Variants in HHAT observed in about 807,000 individuals in gnomAD.
The protein encoded by HHAT is protein-cysteine N-palmitoyltransferase HHAT.
HHAT carries 47 observed loss-of-function variants against 70.8 expected under a neutral mutation model. That is an observed-to-expected ratio of 0.66 (90% confidence interval 0.53 to 0.85). HHAT has a LOEUF of 0.85. Ranked by LOEUF, HHAT falls within the 40% of genes least tolerant of loss-of-function variation. HHAT has a pLI of 0.00. For synonymous variants in HHAT, 228 were observed against 247.6 expected, an observed-to-expected ratio of 0.92 and a Z score of 0.74; for missense variants, 609 against 604.8, an observed-to-expected ratio of 1.01 and a Z score of -0.07.
At chr1:210,528,313 G>A (rs1311573737) in intron 9 of HHAT, among the ~76,000 whole-genome samples, 1 of 152,188 alleles carries the variant, frequency 6.6e-6, no homozygotes, top group Non-Finnish European at 1.5e-5. Context: ...AAGGAGCAGG[G>A]TGCATCATAG....
In HHAT at chr1:210,498,103, G is replaced by A. The variant is rs374975929; in HGVS notation, c.1008-15050G>A. 4.5e-4 allele frequency among the ~76,000 whole-genome samples: 69 copies of A among 152,036 alleles called. 1 individual carries two copies. In the South Asian group the frequency reaches 0.014, roughly 31 times the overall value. The stretch of plus-strand genomic sequence containing the variant: ...TTGACCCCCTAAGCTATCAACTTCT[G>A]TGGTCAGGGACTGTCCATCCCTGTA... On this transcript the variant is annotated intron_variant, in intron 8 of 11. Coordinates refer to ENST00000261458, the MANE Select transcript of HHAT (RefSeq NM_018194.6).
chr1:210,339,498 C>G (rs1452706285), intron 1 of HHAT, among the ~76,000 whole-genome samples: 1 of 152,126 alleles, frequency 6.6e-6, no homozygotes, highest in Admixed American at 6.5e-5. Context: ...AACTCTGGAG[C>G]CTGGTCCTTA....
At chr1:210,413,177 CAT>C (rs2092616578) in intron 6 of HHAT, among the ~76,000 whole-genome samples, 1 of 152,220 alleles carries the variant, frequency 6.6e-6, no homozygotes, top group African/African-American at 2.4e-5. Flanking sequence ...AATTGTAAAA[CAT>C]AACTAAAATC....
intron 10 of HHAT, among the ~76,000 whole-genome samples, chr1:210,618,635 C>T (rs1472621456): frequency 6.6e-6 from 1 of 152,128 alleles, no homozygotes; most frequent in African/African-American, 2.4e-5. Context: ...CATGCAGCCC[C>T]TCTGTGGATG....
chr1:210,494,430 C>T (rs1005762442), intron 8 of HHAT, among the ~76,000 whole-genome samples: 2 of 151,532 alleles, frequency 1.3e-5, no homozygotes, highest in African/African-American at 4.9e-5. Context: ...AATATGACTG[C>T]AGGGTTTTTA....
In HHAT at chr1:210,532,371, C is replaced by T. The variant is rs139509565; in HGVS notation, c.1043+19183C>T. ...AGGTTCCTTATTTTATCTCTGGACT[C>T]GATAACATTTTTCACTTTCATCTGA... On this transcript the variant is annotated intron_variant, in intron 9 of 11. Coordinates refer to ENST00000261458, the MANE Select transcript of HHAT (RefSeq NM_018194.6). Among the ~76,000 whole-genome samples the T allele has an allele frequency of 1.0e-3, 153 of 152,210 alleles. 1 individual carries two copies. Among genetic ancestry groups the T allele is most frequent in the African/African-American group, 3.5e-3 (144 of 41,540 alleles).
intron 10 of HHAT, among the ~76,000 whole-genome samples, chr1:210,614,020 A>G (rs991581736): frequency 1.4e-4 from 2 of 14,142 alleles, no homozygotes; most frequent in African/African-American, 2.5e-4. Flanking sequence ...CCCTGCCTCA[A>G]AAAAAAAAAA....
At chr1:210,650,658 G>A (rs1419157222) in intron 11 of HHAT, among the ~76,000 whole-genome samples, 2 of 152,164 alleles carry the variant, frequency 1.3e-5, no homozygotes, top group Admixed American at 6.5e-5. Context: ...CTTAATCAGA[G>A]CATTTGGAAG....
At chr1:210,475,988 G>A (rs1466994398) in intron 8 of HHAT, among the ~76,000 whole-genome samples, 2 of 152,216 alleles carry the variant, frequency 1.3e-5, no homozygotes, top group Non-Finnish European at 2.9e-5. Context: ...CACAGAGCTG[G>A]TATGTGCTAA....
intron 11 of HHAT, among the ~76,000 whole-genome samples, chr1:210,656,096 G>GTT (rs1676344110): frequency 1.3e-5 from 2 of 152,140 alleles, no homozygotes; most frequent in South Asian, 4.1e-4. Flanking sequence ...TTTGACAGTA[G>GTT]CCAAAATTCA....
intron 11 of HHAT, among the ~76,000 whole-genome samples, chr1:210,644,771 T>C (rs2148920273): frequency 6.6e-6 from 1 of 152,276 alleles, no homozygotes; most frequent in Admixed American, 6.5e-5. Context: ...AGGAGAGTTA[T>C]TTAATTTTAA....
intron 11 of HHAT, among the ~76,000 whole-genome samples, chr1:210,673,700 T>A (rs550773203): frequency 1.3e-5 from 2 of 151,944 alleles, no homozygotes; most frequent in South Asian, 4.1e-4. Context: ...CAAGTGATCC[T>A]TCCTCCTTGG....
At chr1:210,632,588 C>G (rs928553202) in intron 11 of HHAT, among the ~76,000 whole-genome samples, 7 of 152,184 alleles carry the variant, frequency 4.6e-5, no homozygotes, top group Admixed American at 6.5e-5. Context: ...AGCCTCTTTC[C>G]TATTGGCACA....
chr1:210,607,449 T>C (rs1442161282), intron 10 of HHAT, among the ~76,000 whole-genome samples: 1 of 152,176 alleles, frequency 6.6e-6, no homozygotes, highest in Non-Finnish European at 1.5e-5. Flanking sequence ...TTTTAAAATA[T>C]TAAGGTTACT....
intron 9 of HHAT, among the ~76,000 whole-genome samples, chr1:210,537,524 G>A (rs1449160369): frequency 6.6e-6 from 1 of 152,188 alleles, no homozygotes; most frequent in African/African-American, 2.4e-5. Flanking sequence ...GGCCATTGGG[G>A]TTCATTTCTG....
In HHAT at chr1:210,661,532, C is replaced by T. The variant is rs886127272; in HGVS notation, c.1391-12756C>T. 8.5e-4 allele frequency among the ~76,000 whole-genome samples: 129 copies of T among 152,218 alleles called. 2 individuals carry two copies. Among genetic ancestry groups the T allele is most frequent in the Middle Eastern group, 3.4e-3 (1 of 294 alleles). The stretch of plus-strand genomic sequence containing the variant: ...TCTAGAACTAGAAATACCATTTGAC[C>T]CAGCCATCCCATTACTGGGTATATA... On this transcript the variant is annotated intron_variant, in intron 11 of 11. Transcript: ENST00000261458.
chr1:210,407,879 G>A (rs7527094), intron 6 of HHAT, among the ~76,000 whole-genome samples: 16,105 of 152,068 alleles, frequency 0.11, 919 homozygotes, highest in Middle Eastern at 0.16. Context: ...GCCTTAGGGT[G>A]GTGGGCCAGG....
At chr1:210,662,843 C>G (rs1678047083) in intron 11 of HHAT, among the ~76,000 whole-genome samples, 1 of 152,080 alleles carries the variant, frequency 6.6e-6, no homozygotes, top group African/African-American at 2.4e-5. Flanking sequence ...ATGAAAAATG[C>G]AGTAGAAGTT....
intron 9 of HHAT, among the ~76,000 whole-genome samples, chr1:210,585,565 C>T (rs1427122228): frequency 1.3e-5 from 2 of 152,012 alleles, no homozygotes; most frequent in African/African-American, 4.8e-5. Context: ...ACTACAGGCC[C>T]ACACCACCAT....
Sources: gnomAD v4.1 joint callset for allele counts (sites outside exome capture counted in the v4.1 genomes callset) on GRCh38, gnomAD v4.1.1 for gene constraint, MANE v1.5 for transcripts, NCBI Gene and HGNC (gene_info 2026-07-23, HGNC 2026-07-21) for gene names.